The following PLCB4 variants were observed in gnomAD, a reference collection of about 807,000 sequenced individuals.
PLCB4 encodes the protein 1-phosphatidylinositol 4,5-bisphosphate phosphodiesterase beta-4.
Under a neutral mutation model 178.8 loss-of-function variants are expected in PLCB4, and 77 were observed. The observed-to-expected ratio is 0.43, with a 90% CI of 0.36 to 0.52. PLCB4 has a LOEUF of 0.52. Among genes scored for constraint, PLCB4 ranks in the 20% least tolerant of loss-of-function variants. The pLI is 0.00. For missense variants in PLCB4, 1,024 were observed against 1,453.4 expected, an observed-to-expected ratio of 0.70 and a Z score of 4.80; for synonymous variants, 496 against 490.8, an observed-to-expected ratio of 1.01 and a Z score of -0.14.
At chr20:9,205,532 T>G (rs1190686302) in intron 2 of PLCB4, among the ~76,000 whole-genome samples, 1 of 152,232 alleles carries the variant, frequency 6.6e-6, no homozygotes, top group African/African-American at 2.4e-5. Flanking sequence ...ATATATCCTT[T>G]ACCCAGTTTT....
At chr20:9,389,237 G>T (rs943108781) in intron 15 of PLCB4, among the ~76,000 whole-genome samples, 3 of 152,126 alleles carry the variant, frequency 2.0e-5, no homozygotes, top group Admixed American at 1.3e-4. Context: ...ATTAAGTTCT[G>T]TGTTACAGAT....
At chr20:9,453,756 GA>G (rs1028169627) in intron 33 of PLCB4, among the ~76,000 whole-genome samples, 2 of 152,046 alleles carry the variant, frequency 1.3e-5, no homozygotes, top group South Asian at 2.1e-4. Flanking sequence ...TCAAATAATT[GA>G]AAAAATACCT....
At chr20:9,400,865 C>T (rs1410027471) in intron 19 of PLCB4, among the ~76,000 whole-genome samples, 1 of 152,134 alleles carries the variant, frequency 6.6e-6, no homozygotes, top group Non-Finnish European at 1.5e-5. Flanking sequence ...GCTCCAGGGA[C>T]ACCAGCTTTA....
At chr20:9,249,640 G>T (rs988849052) in intron 3 of PLCB4, among the ~76,000 whole-genome samples, 1 of 152,032 alleles carries the variant, frequency 6.6e-6, no homozygotes, top group Non-Finnish European at 1.5e-5. Context: ...TCTCCTTTGT[G>T]ATATAACCTA....
At chr20:9,421,581 C>T in intron 27 of PLCB4, 120 bp downstream of exon 27, 1 of 775,054 alleles carries the variant, frequency 1.3e-6, no homozygotes, top group Non-Finnish European at 2.1e-6. Context: ...TTTCTCTTCT[C>T]CTAATGGCTA....
intron 1 of PLCB4, among the ~76,000 whole-genome samples, chr20:9,078,688 A>G (rs943871876): frequency 3.3e-5 from 5 of 152,120 alleles, no homozygotes; most frequent in African/African-American, 9.7e-5. Context: ...TTTTAAAGAG[A>G]TATTGGGAGA....
chr20:9,421,684 G>A (rs2040650523), intron 27 of PLCB4, among the ~76,000 whole-genome samples: 1 of 152,154 alleles, frequency 6.6e-6, no homozygotes, highest in Non-Finnish European at 1.5e-5. Flanking sequence ...CTCCTGCACA[G>A]CAGTGCCTCA....
intron 2 of PLCB4, among the ~76,000 whole-genome samples, chr20:9,198,913 G>A (rs1397278644): frequency 6.6e-6 from 1 of 152,122 alleles, no homozygotes; most frequent in African/African-American, 2.4e-5. Context: ...GGCCACCTAT[G>A]AAAATAGTAG....
chr20:9,108,723 AT>A (rs1346417761), intron 2 of PLCB4, among the ~76,000 whole-genome samples: 1 of 152,092 alleles, frequency 6.6e-6, no homozygotes, highest in Non-Finnish European at 1.5e-5. Flanking sequence ...ATGAATTAAA[AT>A]TACTGAAAGA....
At chr20:9,217,890 G>T (rs1477814655) in intron 3 of PLCB4, among the ~76,000 whole-genome samples, 2 of 152,142 alleles carry the variant, frequency 1.3e-5, no homozygotes, top group East Asian at 3.9e-4. Flanking sequence ...CATTTTGGGG[G>T]AACTACCAGG....
chr20:9,430,280 C>T (rs1173064527), intron 28 of PLCB4, among the ~76,000 whole-genome samples: 1 of 152,130 alleles, frequency 6.6e-6, no homozygotes, highest in Admixed American at 6.5e-5. Context: ...TTTCAAATAG[C>T]CTGCTAACTT....
chr20:9,271,562 G>A (rs2094402437), intron 3 of PLCB4, among the ~76,000 whole-genome samples: 1 of 152,080 alleles, frequency 6.6e-6, no homozygotes, highest in Non-Finnish European at 1.5e-5. Context: ...TTTTATACAT[G>A]AATTATGTGC....
intron 9 of PLCB4, among the ~76,000 whole-genome samples, chr20:9,368,970 A>G (rs1332466532): frequency 2.0e-5 from 3 of 152,192 alleles, no homozygotes; most frequent in Non-Finnish European, 4.4e-5. Flanking sequence ...TGAGTAAATC[A>G]CATTCCCTTT....
intron 2 of PLCB4, among the ~76,000 whole-genome samples, chr20:9,203,056 A>AATATAT (rs55690764): frequency 7.6e-4 from 96 of 126,142 alleles, no homozygotes; most frequent in South Asian, 2.7e-3. Flanking sequence ...AAAAAAAAAA[A>AATATAT]ATATATATAT....
At chr20:9,305,260 G>A (rs1042784104) in intron 3 of PLCB4, among the ~76,000 whole-genome samples, 1 of 151,652 alleles carries the variant, frequency 6.6e-6, no homozygotes. Flanking sequence ...AAAGAGGCTC[G>A]AGTTTCTTTT....
At chr20:9,475,297 G>A (rs888065319) in intron 38 of PLCB4, among the ~76,000 whole-genome samples, 5 of 152,200 alleles carry the variant, frequency 3.3e-5, no homozygotes, top group Non-Finnish European at 5.9e-5. Flanking sequence ...CAGTCATCTT[G>A]TGTCGCTAGC....
intron 2 of PLCB4, among the ~76,000 whole-genome samples, chr20:9,202,290 G>T (rs1340103252): frequency 6.6e-6 from 1 of 152,198 alleles, no homozygotes; most frequent in Admixed American, 6.5e-5. Context: ...TTTATGTCTT[G>T]ATTGTGTGGT....
rs187221097 is a variant in PLCB4 at position 9,071,317 on chromosome 20, T to C, written c.-135+2111T>C. 2.1e-3 allele frequency among the ~76,000 whole-genome samples: 323 copies of C among 152,318 alleles called. 4 individuals carry two copies. Among genetic ancestry groups the C allele is most frequent in the Non-Finnish European group, 1.8e-4 (12 of 68,026 alleles). ...GCTGACTTTGGCAACATGGGACAGT[T>C]ATATTTGGCAATTTCAGTAAACATG... On this transcript the variant is annotated intron_variant, in intron 1 of 39. Coordinates refer to ENST00000378473, the MANE Select transcript of PLCB4 (RefSeq NM_001377142.1).
chr20:9,273,192 A>G (rs957953588), intron 3 of PLCB4, among the ~76,000 whole-genome samples: 1 of 152,124 alleles, frequency 6.6e-6, no homozygotes, highest in African/African-American at 2.4e-5. Context: ...AAGACTTACA[A>G]TGTGAGAATA....
Sources: gnomAD v4.1 joint callset for allele counts (sites outside exome capture counted in the v4.1 genomes callset) on GRCh38, gnomAD v4.1.1 for gene constraint, MANE v1.5 for transcripts, NCBI Gene and HGNC (gene_info 2026-07-23, HGNC 2026-07-21) for gene names.